HCN1: variants seen among roughly 807,000 people sequenced by gnomAD.
HCN1 encodes the protein potassium/sodium hyperpolarization-activated cyclic nucleotide-gated channel 1.
In HCN1, 13 loss-of-function variants were observed where a neutral mutation model predicts 78.9. That is an observed-to-expected ratio of 0.16 (90% CI 0.11 to 0.26). The LOEUF is 0.26. HCN1 is among the 10% of genes least tolerant of loss of function. The pLI is 1.00. For missense variants in HCN1, 810 were observed against 1,154.3 expected, an observed-to-expected ratio of 0.70 and a Z score of 4.32; for synonymous variants, 552 against 455.5, an observed-to-expected ratio of 1.21 and a Z score of -2.70.
chr5:45,560,362 G>C (rs925753479), intron 2 of HCN1, among the ~76,000 whole-genome samples: 3 of 151,900 alleles, frequency 2.0e-5, no homozygotes, highest in Non-Finnish European at 2.9e-5. Flanking sequence ...TAAGCAAAAA[G>C]ATAACTTCCA....
chr5:45,279,192 G>T (rs543932617), intron 6 of HCN1, among the ~76,000 whole-genome samples: 3 of 152,188 alleles, frequency 2.0e-5, no homozygotes, highest in Non-Finnish European at 4.4e-5. Flanking sequence ...AGTCCAACAG[G>T]TTATCCAAAC....
At chr5:45,316,182 G>A (rs1266629699) in intron 5 of HCN1, among the ~76,000 whole-genome samples, 2 of 152,114 alleles carry the variant, frequency 1.3e-5, no homozygotes, top group South Asian at 2.1e-4. Flanking sequence ...CTGGCAAACC[G>A]AATGCAGCAG....
At chr5:45,305,605 T>C (rs754493079) in intron 5 of HCN1, among the ~76,000 whole-genome samples, 4 of 151,816 alleles carry the variant, frequency 2.6e-5, no homozygotes, top group African/African-American at 7.3e-5. Flanking sequence ...TATAACAATG[T>C]TCAGCAAGTA....
At chr5:45,530,960 G>A (rs1159708844) in intron 2 of HCN1, among the ~76,000 whole-genome samples, 1 of 151,948 alleles carries the variant, frequency 6.6e-6, no homozygotes, top group Non-Finnish European at 1.5e-5. Flanking sequence ...GGTGGTGGTG[G>A]TAGACAGGTT....
chr5:45,313,057 C>G (rs1198146641), intron 5 of HCN1, among the ~76,000 whole-genome samples: 1 of 152,188 alleles, frequency 6.6e-6, no homozygotes. Context: ...TGAGAACAGA[C>G]AGACTGCCTC....
intron 2 of HCN1, among the ~76,000 whole-genome samples, chr5:45,479,393 G>A (rs984489498): frequency 2.6e-5 from 4 of 152,154 alleles, no homozygotes; most frequent in Non-Finnish European, 2.9e-5. Flanking sequence ...AAATGGCTAA[G>A]TTTTAATTTT....
intron 3 of HCN1, among the ~76,000 whole-genome samples, chr5:45,448,592 G>C (rs1740845412): frequency 6.6e-6 from 1 of 151,992 alleles, no homozygotes. Context: ...AATACTATTG[G>C]TTTCTTTAGC....
chr5:45,461,814 A>G, intron 3 of HCN1, 32 bp downstream of exon 3: 4 of 1,588,510 alleles, frequency 2.5e-6, no homozygotes, highest in South Asian at 1.1e-5. Flanking sequence ...AACGTTGAAA[A>G]GTCAGAGTGT....
chr5:45,413,118 C>CA (rs199533263), intron 3 of HCN1, among the ~76,000 whole-genome samples: 1 of 151,588 alleles, frequency 6.6e-6, no homozygotes, highest in African/African-American at 2.4e-5. Context: ...TGCCTAAGGA[C>CA]AAAAAATAAG....
chr5:45,563,512 C>T (rs1346425827), intron 2 of HCN1, among the ~76,000 whole-genome samples: 5 of 151,788 alleles, frequency 3.3e-5, no homozygotes, highest in Admixed American at 3.3e-4. Context: ...TATAACATTT[C>T]ATTTATGAAT....
At chr5:45,492,146 G>A (rs986872781) in intron 2 of HCN1, among the ~76,000 whole-genome samples, 1 of 151,872 alleles carries the variant, frequency 6.6e-6, no homozygotes, top group Non-Finnish European at 1.5e-5. Context: ...CCTACATCAT[G>A]TCTAGCTATC....
intron 5 of HCN1, among the ~76,000 whole-genome samples, chr5:45,332,152 C>T (rs959699515): frequency 1.3e-5 from 2 of 150,050 alleles, no homozygotes; most frequent in Non-Finnish European, 3.0e-5. Flanking sequence ...AGAAGCTTTA[C>T]CTAGCACAGG....
intron 2 of HCN1, among the ~76,000 whole-genome samples, chr5:45,598,282 C>A (rs775452058): frequency 1.3e-5 from 2 of 152,148 alleles, no homozygotes; most frequent in Non-Finnish European, 2.9e-5. Flanking sequence ...ATCATCTGAT[C>A]TTCAACAAAC....
At chr5:45,318,173 C>A (rs2111930682) in intron 5 of HCN1, among the ~76,000 whole-genome samples, 1 of 152,260 alleles carries the variant, frequency 6.6e-6, no homozygotes, top group Middle Eastern at 3.4e-3. Flanking sequence ...CCCAAACGTC[C>A]ATCAATGATA....
At chr5:45,591,711 T>C (rs1202224110) in intron 2 of HCN1, among the ~76,000 whole-genome samples, 1 of 152,210 alleles carries the variant, frequency 6.6e-6, no homozygotes, top group Non-Finnish European at 1.5e-5. Context: ...TTTTGATGCA[T>C]TTCTTTCAGT....
At chr5:45,404,953 T>C (rs1262963915) in intron 3 of HCN1, among the ~76,000 whole-genome samples, 3 of 152,056 alleles carry the variant, frequency 2.0e-5, no homozygotes, top group African/African-American at 2.4e-5. Context: ...AGTATAAACG[T>C]GTTGAAGTAG....
intron 2 of HCN1, among the ~76,000 whole-genome samples, chr5:45,488,459 A>G (rs1741813902): frequency 6.6e-6 from 1 of 152,162 alleles, no homozygotes; most frequent in Non-Finnish European, 1.5e-5. Context: ...TATATCAAAC[A>G]GCAGGGACTG....
intron 1 of HCN1, among the ~76,000 whole-genome samples, chr5:45,669,476 A>G (rs1343277004): frequency 6.6e-6 from 1 of 151,800 alleles, no homozygotes; most frequent in Non-Finnish European, 1.5e-5. Flanking sequence ...GTAATATTCT[A>G]AAACTCAGAA....
intron 4 of HCN1, among the ~76,000 whole-genome samples, chr5:45,385,370 A>G (rs1031113871): frequency 1.3e-5 from 2 of 152,136 alleles, no homozygotes; most frequent in African/African-American, 4.8e-5. Flanking sequence ...TTTAATTAAA[A>G]AAAGGAAATT....
Sources: gnomAD v4.1 joint callset for allele counts (sites outside exome capture counted in the v4.1 genomes callset) on GRCh38, gnomAD v4.1.1 for gene constraint, MANE v1.5 for transcripts, NCBI Gene and HGNC (gene_info 2026-07-23, HGNC 2026-07-21) for gene names.